TTLL1: variants seen among roughly 807,000 people sequenced by gnomAD.
TTLL1 encodes the protein polyglutamylase complex subunit TTLL1.
A neutral mutation model predicts 47.8 loss-of-function variants in TTLL1; 33 were observed. The ratio of observed to expected loss-of-function variants is 0.69; its 90% confidence interval spans 0.52 to 0.92. The LOEUF (loss-of-function observed/expected upper bound fraction) is 0.92. Ranked by LOEUF, TTLL1 falls within the 40% of genes least tolerant of loss-of-function variation. The pLI is 0.00. For synonymous variants in TTLL1, 225 were observed against 214.1 expected (o/e 1.05, Z -0.45); for missense variants, 488 against 547.5 (o/e 0.89, Z 1.08).
At chr22:43,069,495 C>T (rs1927969415) in intron 4 of TTLL1, 141 bp downstream of exon 4, 1 of 1,459,426 alleles carries the variant, frequency 6.9e-7, no homozygotes, top group Non-Finnish European at 9.1e-7. Context: ...CTGGAGACAC[C>T]TGAAATGAAA....
At chr22:43,044,098 C>T (rs748946694) in intron 10 of TTLL1, among the ~76,000 whole-genome samples, 18 of 152,108 alleles carry the variant, frequency 1.2e-4, no homozygotes, top group Non-Finnish European at 2.6e-4. Flanking sequence ...AACCCTCCTC[C>T]CCGAGAGACT....
intron 10 of TTLL1, among the ~76,000 whole-genome samples, chr22:43,040,462 T>C (rs535439649): frequency 6.6e-6 from 1 of 152,240 alleles, no homozygotes; most frequent in East Asian, 1.9e-4. Flanking sequence ...TTCTTTTTTT[T>C]TGAGATGGAG....
At chr22:43,075,378 C>T (rs1019905472) in intron 3 of TTLL1, 96 bp downstream of exon 3, 2 of 959,088 alleles carry the variant, frequency 2.1e-6, no homozygotes, top group Admixed American at 3.9e-5. Flanking sequence ...TGACAGGAGA[C>T]AGTGGCTCTG....
chr22:43,069,024 C>T (rs1927928215), intron 4 of TTLL1, among the ~76,000 whole-genome samples: 1 of 151,966 alleles, frequency 6.6e-6, no homozygotes, highest in African/African-American at 2.4e-5. Flanking sequence ...CTCGTGGCAG[C>T]CTGTGGCTCA....
intron 7 of TTLL1, among the ~76,000 whole-genome samples, chr22:43,060,310 A>G (rs2146972104): frequency 6.6e-6 from 1 of 152,278 alleles, no homozygotes; most frequent in Non-Finnish European, 1.5e-5. Flanking sequence ...CCAGGGTGAA[A>G]GCCCTCCCCA....
chr22:43,041,532 C>CTTTTTTTTT (rs112180579), intron 10 of TTLL1, among the ~76,000 whole-genome samples: 17,228 of 139,852 alleles, frequency 0.12, 1,528 homozygotes, highest in East Asian at 0.36. Context: ...TTTCTGATTC[C>CTTTTTTTTT]TTTTTTTTTT....
intron 10 of TTLL1, among the ~76,000 whole-genome samples, chr22:43,044,138 C>T (rs1040505569): frequency 3.3e-5 from 5 of 152,184 alleles, no homozygotes; most frequent in South Asian, 4.1e-4. Context: ...TCCCTGTCCC[C>T]GCTGCCCTCT....
At chr22:43,084,962 C>CTTTTTTTTTT (rs148980685) in intron 1 of TTLL1, among the ~76,000 whole-genome samples, 12 of 112,732 alleles carry the variant, frequency 1.1e-4, no homozygotes, top group African/African-American at 4.5e-4. Context: ...AAGCTGCCAC[C>CTTTTTTTTTT]TTTTTTTTTT....
At chr22:43,045,271 C>T (rs531324921) in intron 10 of TTLL1, among the ~76,000 whole-genome samples, 147 of 152,250 alleles carry the variant, frequency 9.7e-4, no homozygotes, top group Non-Finnish European at 1.5e-3. Flanking sequence ...TTCGTCACTA[C>T]GAGTATGCCA....
At chr22:43,073,053 C>G (rs1166865461) in intron 3 of TTLL1, among the ~76,000 whole-genome samples, 1 of 149,702 alleles carries the variant, frequency 6.7e-6, no homozygotes, top group Non-Finnish European at 1.5e-5. Flanking sequence ...CTTGCTGTGT[C>G]GCCCAGGCTG....
At chr22:43,056,710 G>T (rs1190633623) in intron 8 of TTLL1, among the ~76,000 whole-genome samples, 2 of 151,802 alleles carry the variant, frequency 1.3e-5, no homozygotes, top group Non-Finnish European at 2.9e-5. Flanking sequence ...TCTTGAACCC[G>T]GGAGGTGGAG....
chr22:43,073,102 C>T (rs1190972478), intron 3 of TTLL1, among the ~76,000 whole-genome samples: 2 of 151,522 alleles, frequency 1.3e-5, no homozygotes, highest in Non-Finnish European at 2.9e-5. Context: ...GCAACCTCCG[C>T]CTCCTGGGTT....
intron 2 of TTLL1, among the ~76,000 whole-genome samples, chr22:43,078,710 T>G (rs2146990289): frequency 6.6e-6 from 1 of 152,014 alleles, no homozygotes; most frequent in African/African-American, 2.4e-5. Context: ...ACAGAACCGC[T>G]CTCTGCAAGC....
At chr22:43,070,195 A>G (rs1928022447) in intron 3 of TTLL1, 1 of 1,344,084 alleles carries the variant, frequency 7.4e-7, no homozygotes, top group Non-Finnish European at 9.8e-7. Flanking sequence ...GAAGTCAGGA[A>G]ACTCATTTAA....
intron 10 of TTLL1, chr22:43,041,158 A>G (rs1261842526): frequency 6.6e-6 from 1 of 152,226 alleles, no homozygotes; most frequent in Non-Finnish European, 1.5e-5. Flanking sequence ...TGGCACAGGT[A>G]AGATTAACCT....
chr22:43,054,034 AC>A (rs761433465), intron 8 of TTLL1, among the ~76,000 whole-genome samples: 11 of 152,226 alleles, frequency 7.2e-5, no homozygotes, highest in Non-Finnish European at 1.5e-4. Context: ...AGCACTGTTC[AC>A]ACATACGCCG....
At chr22:43,086,615 C>A (rs1929245583) in intron 1 of TTLL1, among the ~76,000 whole-genome samples, 1 of 152,174 alleles carries the variant, frequency 6.6e-6, no homozygotes, top group Non-Finnish European at 1.5e-5. Context: ...AGCTGTAAGG[C>A]CTGCCTGCAG....
chr22:43,056,739 C>T (rs979453615), intron 8 of TTLL1, among the ~76,000 whole-genome samples: 1 of 151,778 alleles, frequency 6.6e-6, no homozygotes, highest in African/African-American at 2.4e-5. Flanking sequence ...GAGCCAAGAT[C>T]GCGCCACTGC....
chr22:43,080,935 T>A (rs1045586106), intron 1 of TTLL1, among the ~76,000 whole-genome samples: 1 of 136,030 alleles, frequency 7.4e-6, no homozygotes, highest in African/African-American at 3.0e-5. Flanking sequence ...TTTTTTTTTT[T>A]AGACAAAGTC....
Sources: allele counts gnomAD v4.1 joint callset (sites outside exome capture counted in the v4.1 genomes callset), GRCh38; gene constraint gnomAD v4.1.1; transcripts MANE v1.5; gene names NCBI Gene and HGNC (gene_info 2026-07-23, HGNC 2026-07-21).